Variants in SPON1 observed in about 807,000 individuals in gnomAD.
SPON1 encodes the protein spondin-1.
A neutral mutation model predicts 111.7 loss-of-function variants in SPON1; 52 were observed. The ratio of observed to expected loss-of-function variants is 0.47; its 90% CI spans 0.37 to 0.59. SPON1 has a LOEUF of 0.59. SPON1 is among the 20% of genes least tolerant of loss of function. The pLI, the probability that SPON1 is intolerant of heterozygous loss-of-function variation, is 0.00. For synonymous variants in SPON1, 410 were observed against 395.8 expected (o/e 1.04, Z -0.43); for missense variants, 957 against 1,068.5 (o/e 0.90, Z 1.46).
Position 13,962,889 on chromosome 11 carries a change from G to C in SPON1, c.-16G>C, listed in dbSNP as rs183120722. 3 of 1,492,214 alleles carry C rather than the reference G, an allele frequency of 2.0e-6. No homozygotes were observed. The highest frequency in any genetic ancestry group is 2.7e-6 in the Non-Finnish European group (3 of 1,126,138). The allele number at this position is 1,492,214 out of a possible 1,614,324, so 92.4% of individuals were successfully genotyped here. On this transcript the variant is annotated 5_prime_UTR_variant, in exon 1 of 16. Coordinates refer to ENST00000576479, the MANE Select transcript of SPON1 (RefSeq NM_006108.4). ...CGAAGGCCTGCGGCCGCGGCACAAA[G>C]TTGGGGGCCGCGAAGATGAGGCTGT...
intron 6 of SPON1, among the ~76,000 whole-genome samples, chr11:14,218,576 A>G (rs1294890286): frequency 6.6e-6 from 1 of 151,918 alleles, no homozygotes; most frequent in Non-Finnish European, 1.5e-5. Context: ...TCAGAGGGAC[A>G]TTTGTTCCTG....
At chr11:14,258,307 G>C (rs1399293248) in intron 11 of SPON1, among the ~76,000 whole-genome samples, 1 of 152,198 alleles carries the variant, frequency 6.6e-6, no homozygotes, top group East Asian at 1.9e-4. Context: ...CCACCTCAGC[G>C]TGAGTCAGAG....
intron 6 of SPON1, among the ~76,000 whole-genome samples, chr11:14,198,704 T>G (rs1554935307): frequency 1.3e-5 from 2 of 152,232 alleles, no homozygotes; most frequent in African/African-American, 4.8e-5. Flanking sequence ...AATAAAGGAT[T>G]CCTTTTACCT....
intron 5 of SPON1, among the ~76,000 whole-genome samples, chr11:14,114,192 C>T (rs907111500): frequency 2.6e-5 from 4 of 152,210 alleles, no homozygotes; most frequent in African/African-American, 9.6e-5. Context: ...ATCCCCACTT[C>T]CCTTCTGTCC....
intron 5 of SPON1, among the ~76,000 whole-genome samples, chr11:14,129,998 C>G (rs971928709): frequency 3.3e-5 from 5 of 152,346 alleles, no homozygotes; most frequent in Admixed American, 3.3e-4. Flanking sequence ...CACCAAATCT[C>G]TCCTGTGACA....
At chr11:14,239,859 G>A (rs1848906580) in intron 6 of SPON1, among the ~76,000 whole-genome samples, 1 of 152,176 alleles carries the variant, frequency 6.6e-6, no homozygotes, top group Non-Finnish European at 1.5e-5. Flanking sequence ...AAGATGGATA[G>A]TATCCCGTGT....
chr11:14,080,770 T>C (rs1848956574), intron 5 of SPON1, among the ~76,000 whole-genome samples: 1 of 152,154 alleles, frequency 6.6e-6, no homozygotes, highest in Admixed American at 6.5e-5. Flanking sequence ...TTTTACTGAC[T>C]TCAGATGCCA....
chr11:14,036,124 A>C (rs1848592730), intron 2 of SPON1, among the ~76,000 whole-genome samples: 1 of 152,240 alleles, frequency 6.6e-6, no homozygotes, highest in Non-Finnish European at 1.5e-5. Context: ...GGCAGGAACT[A>C]GCCTCTGTGT....
chr11:14,192,999 A>C (rs1554934732), intron 6 of SPON1, among the ~76,000 whole-genome samples: 1 of 152,148 alleles, frequency 6.6e-6, no homozygotes, highest in African/African-American at 2.4e-5. Flanking sequence ...ACCAGAGCAG[A>C]ATGCATGCAG....
intron 6 of SPON1, among the ~76,000 whole-genome samples, chr11:14,182,222 T>C (rs117603084): frequency 3.3e-5 from 5 of 152,292 alleles, no homozygotes; most frequent in Non-Finnish European, 7.4e-5. Context: ...GTTCCTGATA[T>C]TCATTCACCT....
In SPON1 at chr11:14,041,535, A is replaced by G; in HGVS notation, c.360A>G (p.Glu120=). ...GTTTTCCGTAGATCATAGACGAAGA[A>G]GAAACTCAGTTTATGAGCAATTGCC... ...HAGTFQIIDE[E]ETQFMSNCPV... Residue 120 remains glutamate, a synonymous_variant, in exon 3 of 16, where the codon GAA becomes GAG. Coordinates refer to ENST00000576479, the MANE Select transcript of SPON1 (RefSeq NM_006108.4). 6.2e-7 allele frequency: 1 copy of G among 1,613,998 alleles called. No homozygotes were observed. Among genetic ancestry groups the G allele is most frequent in the African/African-American group, 1.3e-5 (1 of 75,056 alleles).
chr11:14,016,647 C>T (rs1394254891), intron 2 of SPON1, among the ~76,000 whole-genome samples: 3 of 151,506 alleles, frequency 2.0e-5, no homozygotes, highest in Non-Finnish European at 4.4e-5. Flanking sequence ...CAATCTTGTT[C>T]AAAAAGAATT....
intron 6 of SPON1, among the ~76,000 whole-genome samples, chr11:14,177,321 T>A (rs1279433173): frequency 6.6e-6 from 1 of 152,048 alleles, no homozygotes; most frequent in African/African-American, 2.4e-5. Flanking sequence ...ATTACGGTCA[T>A]GAACCACTGC....
chr11:14,051,054 A>T (rs1417880925), intron 3 of SPON1, among the ~76,000 whole-genome samples: 2 of 152,164 alleles, frequency 1.3e-5, no homozygotes, highest in Admixed American at 1.3e-4. Flanking sequence ...TTGGAGTCAG[A>T]GTTGTGCTGA....
intron 7 of SPON1, among the ~76,000 whole-genome samples, chr11:14,250,792 T>G (rs990440153): frequency 8.5e-5 from 13 of 152,356 alleles, no homozygotes; most frequent in Admixed American, 8.5e-4. Flanking sequence ...TAAGGAAAAC[T>G]CATATAGATT....
chr11:14,013,369 A>T (rs1393786277), intron 2 of SPON1, among the ~76,000 whole-genome samples: 1 of 152,190 alleles, frequency 6.6e-6, no homozygotes, highest in Non-Finnish European at 1.5e-5. Context: ...GTTTTGGAAT[A>T]AAAAAATCTA....
At chr11:13,999,555 G>A (rs980935871) in intron 2 of SPON1, among the ~76,000 whole-genome samples, 4 of 151,782 alleles carry the variant, frequency 2.6e-5, no homozygotes, top group African/African-American at 9.7e-5. Flanking sequence ...ACAGGCACCC[G>A]CCATCACACC....
intron 1 of SPON1, among the ~76,000 whole-genome samples, chr11:13,981,231 A>G (rs991774854): frequency 6.6e-6 from 1 of 152,238 alleles, no homozygotes; most frequent in Non-Finnish European, 1.5e-5. Context: ...AAATACTGCA[A>G]TAAAAGATTT....
At chr11:13,964,649 C>A (rs980834367) in intron 1 of SPON1, among the ~76,000 whole-genome samples, 1 of 152,168 alleles carries the variant, frequency 6.6e-6, no homozygotes. Context: ...GGGTACTCCA[C>A]GAAGAAAGAT....
Sources: gnomAD v4.1 joint callset for allele counts (sites outside exome capture counted in the v4.1 genomes callset) on GRCh38, gnomAD v4.1.1 for gene constraint, MANE v1.5 for transcripts, NCBI Gene and HGNC (gene_info 2026-07-23, HGNC 2026-07-21) for gene names.